Variants in MTMR10 observed in about 807,000 individuals in gnomAD.
The protein encoded by MTMR10 is myotubularin related protein 10.
Under a neutral mutation model 88.1 loss-of-function variants are expected in MTMR10, and 56 were observed. The observed-to-expected ratio is 0.64, with a 90% CI of 0.51 to 0.79. MTMR10 has a LOEUF of 0.79. MTMR10 is among the 30% of genes least tolerant of loss of function. The pLI, the probability that MTMR10 is intolerant of heterozygous loss-of-function variation, is 0.00. For missense variants in MTMR10, 883 were observed against 924.7 expected (o/e 0.95, Z 0.58); for synonymous variants, 380 against 340.9 (o/e 1.11, Z -1.26).
In MTMR10 at chr15:30,939,409, C is replaced by A; in HGVS notation, c.*2061G>T. ...ACACCACTGCTGTCACCACATGTCC[C>A]TCTGACGGCAGAGGTGGTATAAGCA... On this transcript the variant is annotated 3_prime_UTR_variant, in exon 16 of 16. Coordinates refer to ENST00000435680, the MANE Select transcript of MTMR10 (RefSeq NM_017762.3). 1 of 985,464 alleles carries A rather than the reference C, an allele frequency of 1.0e-6. No homozygotes were observed. Among genetic ancestry groups the A allele is most frequent in the Non-Finnish European group, 1.2e-6 (1 of 829,944 alleles). 61.0% of individuals were successfully genotyped at this position (985,464 alleles called of 1,614,324 possible). A position where few individuals can be genotyped will look rare whatever the true frequency, so the allele number is the denominator to read the frequency against.
intron 9 of MTMR10, 105 bp from the exon 10 acceptor site, chr15:30,954,998 G>A: frequency 1.1e-5 from 11 of 963,018 alleles, no homozygotes; most frequent in South Asian, 2.6e-5. Context: ...AGACAGGTAA[G>A]GTCTCTGCCT....
chr15:30,954,723 T>A, intron 10 of MTMR10, 40 bp downstream of exon 10: 2 of 1,537,200 alleles, frequency 1.3e-6, no homozygotes, highest in South Asian at 2.5e-5. Context: ...CAACTCTGTA[T>A]CCTGTGTTCA....
chr15:30,991,315 T>G (rs2031308688), intron 1 of MTMR10, 132 bp downstream of exon 1: 1 of 944,586 alleles, frequency 1.1e-6, no homozygotes, highest in Non-Finnish European at 1.5e-6. Context: ...GCGCCGGGAA[T>G]CAGGCAGCCG....
At chr15:30,950,782 T>A (rs2063233637) in intron 12 of MTMR10, among the ~76,000 whole-genome samples, 1 of 152,202 alleles carries the variant, frequency 6.6e-6, no homozygotes, top group Admixed American at 6.5e-5. Flanking sequence ...TTCCAGGGCC[T>A]CCTTTGGATA....
chr15:30,985,626 G>T (rs893761658), intron 2 of MTMR10, among the ~76,000 whole-genome samples: 149 of 152,314 alleles, frequency 9.8e-4, no homozygotes, highest in African/African-American at 3.4e-3. Flanking sequence ...CTGTTATGAT[G>T]ATTAATCTGC....
At chr15:30,987,329 T>C (rs536957179) in intron 2 of MTMR10, among the ~76,000 whole-genome samples, 1 of 152,364 alleles carries the variant, frequency 6.6e-6, no homozygotes, top group South Asian at 2.1e-4. Flanking sequence ...TCCTGGCACT[T>C]TGTGAGACAT....
At chr15:30,986,346 C>T (rs946061784) in intron 2 of MTMR10, among the ~76,000 whole-genome samples, 1 of 151,250 alleles carries the variant, frequency 6.6e-6, no homozygotes, top group Non-Finnish European at 1.5e-5. Flanking sequence ...GGCAGTACTC[C>T]TAGGCAGACA....
At chr15:30,926,091 C>A in the MTMR10 span, 93 of 762,558 alleles carry the variant, frequency 1.2e-4, no homozygotes, top group African/African-American at 1.6e-3. Context: ...CTATTCTTCC[C>A]CTTATCAATG....
At chr15:30,959,950 GA>G (rs1447629163) in intron 7 of MTMR10, among the ~76,000 whole-genome samples, 1 of 152,152 alleles carries the variant, frequency 6.6e-6, no homozygotes, top group East Asian at 1.9e-4. Context: ...ACTTCTAGAA[GA>G]TCCCCTAGGG....
intron 13 of MTMR10, 75 bp downstream of exon 13, chr15:30,948,218 TAAAAGCCCC>T: frequency 7.6e-7 from 1 of 1,309,604 alleles, no homozygotes; most frequent in African/African-American, 1.5e-5. Context: ...CAGTATTTTT[TAAAAGCCCC>T]TTCATCTTTT....
chr15:30,954,809 T>C lies in MTMR10; in HGVS notation c.1020A>G (p.Gln340=), dbSNP rs1319064723. The change falls in exon 10 of 16, where the codon CAA becomes CAG. Residue 340 remains glutamine (Q), a synonymous_variant. Transcript: ENST00000435680. ...GTTTTACAAATGCTGCCTGTACTTC[T>C]TGAATATTAGGCAAGGTCTTATCCA... ...SDLDKTLPNI[Q]EVQAAFVKLK... 2 of 1,601,834 alleles carry C rather than the reference T, an allele frequency of 1.2e-6. No individual in the cohort carries two copies. The highest frequency in any genetic ancestry group is 1.7e-5 in the Admixed American group (1 of 58,332).
chr15:30,966,375 T>C (rs1385834191), intron 6 of MTMR10, among the ~76,000 whole-genome samples: 4 of 152,228 alleles, frequency 2.6e-5, no homozygotes, highest in African/African-American at 9.6e-5. Context: ...GGTTACCAAC[T>C]GTATAATGAA....
At chr15:30,933,807 G>A in the MTMR10 span, among the ~76,000 whole-genome samples, 29 of 151,972 alleles carry the variant, frequency 1.9e-4, no homozygotes, top group African/African-American at 6.8e-4. Context: ...ACCTAGGCTG[G>A]AGTGTAGTGG....
the MTMR10 span, chr15:30,925,854 C>T: frequency 3.7e-4 from 603 of 1,614,182 alleles, 3 homozygotes; most frequent in East Asian, 0.01. Flanking sequence ...TGATGGAGGC[C>T]GGGGAGGCCG....
rs539178287 is a variant in MTMR10, at chr15:30,941,872, A to G, written c.1932T>C (p.Val644=). 5.6e-6 allele frequency: 9 copies of G among 1,614,048 alleles called. 1 individual carries two copies. The South Asian group carries it at 9.9e-5, about 18-fold the overall frequency. ...GTGTTCCAGAGACACGTGGCAGAAT[A>G]ACACCGTGCAGGTTGGCGGGTTTGG... is the stretch of plus-strand genomic sequence containing the variant. ...WFSKPANLHG[V]ILPRVSGTHI... The change falls in exon 16 of 16, where the codon GTT becomes GTC. Residue 644 remains valine (V), a synonymous_variant. Transcript: ENST00000435680.
the MTMR10 span, among the ~76,000 whole-genome samples, chr15:30,932,416 T>C: frequency 9.2e-5 from 14 of 152,136 alleles, no homozygotes; most frequent in African/African-American, 2.9e-4. Context: ...CTTTTCTTAT[T>C]ATCTCTTTGT....
rs541176481 is a variant in MTMR10, at chr15:30,939,355, G to A, written c.*2115C>T. The A allele has an allele frequency of 1.6e-5, 16 of 985,324 alleles. No homozygotes were observed. The highest frequency in any genetic ancestry group is 3.5e-5 in the African/African-American group (2 of 57,238). The allele number at this position is 985,324 out of a possible 1,614,324, so 61.0% of individuals were successfully genotyped here. A position where few individuals can be genotyped will look rare whatever the true frequency, so the allele number is the denominator to read the frequency against. ...TCTGCTGGCGGGCAGCAGGGGTGCT[G>A]AGCTCTCTCTAGTGCGCCCTGTGCA... On this transcript the variant is annotated 3_prime_UTR_variant, in exon 16 of 16. Coordinates refer to ENST00000435680, the MANE Select transcript of MTMR10 (RefSeq NM_017762.3).
At position 30,947,855 on chromosome 15, in the gene MTMR10, C is replaced by T. The variant is rs182482625; in HGVS notation, c.1377+447G>A. 3.2e-3 allele frequency among the ~76,000 whole-genome samples: 493 copies of T among 152,244 alleles called. 2 individuals are homozygous for T. The highest frequency in any genetic ancestry group is 0.011 in the African/African-American group (453 of 41,544). On this transcript the variant is annotated intron_variant, in intron 13 of 15. Coordinates refer to ENST00000435680, the MANE Select transcript of MTMR10 (RefSeq NM_017762.3). ...AACTGATCTGACTGACCTGCCTGGCCGGTAAGATATTTGTAAGGCCTTCCG... is the reference window on the plus strand; with the variant it reads ...AACTGATCTGACTGACCTGCCTGGCTGGTAAGATATTTGTAAGGCCTTCCG...
rs79062740 is a variant in MTMR10, at chr15:30,954,187, C to T, written c.1067-556G>A. Among the ~76,000 whole-genome samples, 9 of 152,250 alleles carry T rather than the reference C, an allele frequency of 5.9e-5. No homozygotes were observed. The South Asian group carries it at 1.7e-3, about 28-fold the overall frequency. ...CCCTGCCCCGCCCCTGCAAGGCCCT[C>T]CCCCAGGGAAGTGCTTACTCATTGC... On this transcript the variant is annotated intron_variant, in intron 10 of 15. Transcript: ENST00000435680.
Sources: gnomAD v4.1 joint callset for allele counts (sites outside exome capture counted in the v4.1 genomes callset) on GRCh38, gnomAD v4.1.1 for gene constraint, MANE v1.5 for transcripts, NCBI Gene and HGNC (gene_info 2026-07-23, HGNC 2026-07-21) for gene names.